TOP1: variants seen among roughly 807,000 people sequenced by gnomAD.
The protein encoded by TOP1 is DNA topoisomerase 1.
TOP1 carries 10 observed loss-of-function variants against 111.1 expected under a neutral mutation model. The observed-to-expected ratio is 0.09, with a 90% CI of 0.06 to 0.15. The LOEUF (loss-of-function observed/expected upper bound fraction) is 0.15, where lower values mean the gene tolerates loss of function less well. TOP1 is among the 10% of genes least tolerant of loss of function. TOP1 has a pLI of 1.00. For missense variants in TOP1, 474 were observed against 926.7 expected (o/e 0.51, Z 6.34); for synonymous variants, 271 against 302.9 (o/e 0.89, Z 1.10).
Position 41,079,485 on chromosome 20 carries a change from C to T in TOP1, c.336-600C>T, listed in dbSNP as rs79364837. 3.6e-3 allele frequency among the ~76,000 whole-genome samples: 546 copies of T among 152,260 alleles called. 3 individuals carry two copies. The highest frequency in any genetic ancestry group is 0.013 in the African/African-American group (521 of 41,548). ...TATATAAAGTAAACCTAAGTTAGGA[C>T]GTTGAACAATGAATAGATTTGGCAT... On this transcript the variant is annotated intron_variant, in intron 5 of 20. Transcript: ENST00000361337. This position sits in a 1 kb window ranked among gnomAD's most constrained non-coding sequence, Gnocchi z 4.0.
rs758044827 is a variant in TOP1, at chr20:41,029,398, G to A, written c.34-33G>A. The A allele has an allele frequency of 6.9e-7, 1 of 1,457,026 alleles. No individual in the cohort carries two copies. Among genetic ancestry groups the A allele is most frequent in the Non-Finnish European group, 9.1e-7 (1 of 1,100,890 alleles). The allele number at this position is 1,457,026 out of a possible 1,614,324, so 90.3% of individuals were successfully genotyped here. A position where few individuals can be genotyped will look rare whatever the true frequency, so the allele number is the denominator to read the frequency against. ...CGCCGCCGGAGGGGTTAAAGTGGCT[G>A]TTGTTTGATATTCTCTCCTTTTCTT... is the stretch of plus-strand genomic sequence containing the variant. On this transcript the variant is annotated intron_variant, in intron 1 of 20. Transcript: ENST00000361337. The surrounding 1 kb of genome is among the most constrained non-coding windows in gnomAD (Gnocchi z 6.1).
intron 3 of TOP1, 32 bp from the exon 4 acceptor site, chr20:41,076,139 G>A (rs372388203): frequency 1.3e-5 from 21 of 1,598,092 alleles, no homozygotes; most frequent in Non-Finnish European, 1.4e-5. Context: ...TCCCTACTCT[G>A]GGCTAACGCT....
At position 41,077,698 on chromosome 20, in the gene TOP1, G is replaced by C. The variant is rs2033745326; in HGVS notation, c.335+61G>C. 41 of 1,484,548 alleles carry C rather than the reference G, an allele frequency of 2.8e-5. No homozygotes were observed. The South Asian group carries it at 4.4e-4, about 16-fold the overall frequency. 92.0% of individuals were successfully genotyped at this position (1,484,548 alleles called of 1,614,324 possible). ...TGGGTGGACAGCAGGCCAGCTGCCT[G>C]TGTTGTAGTGTTGTCTGAGTTAACC... On this transcript the variant is annotated intron_variant, in intron 5 of 20. Transcript: ENST00000361337.
rs2033335391 is a variant in TOP1 at position 41,046,455 on chromosome 20, G to A, written c.59-14939G>A. ...TGCCTCCTGAGAATTCTGGGCTGTG[G>A]TGGAATTACCCATCAGACTGGGGGC... On this transcript the variant is annotated intron_variant, in intron 2 of 20. Coordinates refer to ENST00000361337, the MANE Select transcript of TOP1 (RefSeq NM_003286.4). The surrounding 1 kb of genome is among the most constrained non-coding windows in gnomAD (Gnocchi z 4.3). 6.6e-6 allele frequency among the ~76,000 whole-genome samples: 1 copy of A among 152,222 alleles called. No homozygotes were observed. The highest frequency in any genetic ancestry group is 2.1e-4 in the South Asian group (1 of 4,832).
chr20:41,080,394 A>C lies in TOP1; in HGVS notation c.431+214A>C, dbSNP rs974605346. The stretch of plus-strand genomic sequence containing the variant: ...CAAGGCTTACATGAAGATTATATAA[A>C]TTTTTATTACTGAAAAGGCAATAGA... On this transcript the variant is annotated intron_variant, in intron 6 of 20. Coordinates refer to ENST00000361337, the MANE Select transcript of TOP1 (RefSeq NM_003286.4). The surrounding 1 kb of genome is among the most constrained non-coding windows in gnomAD (Gnocchi z 5.0). Among the ~76,000 whole-genome samples the C allele has an allele frequency of 5.9e-5, 9 of 152,308 alleles. No individual in the cohort carries two copies. The highest frequency in any genetic ancestry group is 2.2e-4 in the African/African-American group (9 of 41,576).
chr20:41,076,326 C>G, intron 4 of TOP1, 32 bp downstream of exon 4: 1 of 1,576,488 alleles, frequency 6.3e-7, no homozygotes, highest in Non-Finnish European at 8.6e-7. Context: ...GAGGAAGGAA[C>G]GTGGATGCAC....
Position 41,029,166 on chromosome 20 carries a change from GGCCCCGACCCCA to G in TOP1, c.33+73_33+84del, listed in dbSNP as rs1428173184. ...TGGCCGTCCCGCGACCCCCGGCGCAGGCCCCGACCCCAGCCCCGGCCCGGCAGCTTTGACAGG... is the reference window on the plus strand; with the variant it reads ...TGGCCGTCCCGCGACCCCCGGCGCAGGCCCCGGCCCGGCAGCTTTGACAGG... On this transcript the variant is annotated intron_variant, in intron 1 of 20. Coordinates refer to ENST00000361337, the MANE Select transcript of TOP1 (RefSeq NM_003286.4). The surrounding 1 kb of genome is among the most constrained non-coding windows in gnomAD (Gnocchi z 6.1). 10 of 1,268,258 alleles carry G rather than the reference GGCCCCGACCCCA, an allele frequency of 7.9e-6. No individual in the cohort carries two copies. In the African/African-American group the frequency reaches 1.6e-4, roughly 20 times the overall value. 78.6% of individuals were successfully genotyped at this position (1,268,258 alleles called of 1,614,324 possible).
chr20:41,048,084 C>G (rs556948567), intron 2 of TOP1, among the ~76,000 whole-genome samples: 1 of 145,882 alleles, frequency 6.9e-6, no homozygotes, highest in Non-Finnish European at 1.5e-5. Context: ...ATAGTCTAGG[C>G]TATAAATTAA....
Position 41,103,754 on chromosome 20 carries a change from C to T in TOP1, c.1308+2401C>T, listed in dbSNP as rs183216146. 4.0e-3 allele frequency among the ~76,000 whole-genome samples: 612 copies of T among 152,278 alleles called. 3 individuals are homozygous for T. Among genetic ancestry groups the T allele is most frequent in the East Asian group, 0.017 (88 of 5,182 alleles). Reference sequence around the variant, plus strand: ...TCAGAACGACCAAGCTCTTGCTCACCTCTGGGATTTCAAAAGGCTACTTTA... The same window carrying T: ...TCAGAACGACCAAGCTCTTGCTCACTTCTGGGATTTCAAAAGGCTACTTTA... On this transcript the variant is annotated intron_variant, in intron 13 of 20. Coordinates refer to ENST00000361337, the MANE Select transcript of TOP1 (RefSeq NM_003286.4).
chr20:41,098,684 T>C lies in TOP1; in HGVS notation c.975+347T>C. 5.7e-6 allele frequency: 1 copy of C among 174,528 alleles called. No individual in the cohort carries two copies. Among genetic ancestry groups the C allele is most frequent in the Non-Finnish European group, 1.2e-5 (1 of 82,000 alleles). 10.8% of individuals were successfully genotyped at this position (174,528 alleles called of 1,614,324 possible). ...AAGACAGATGAAATCATATTGGCCA[T>C]GTACCTCCCTGCTCTTTGATCTATT... is the stretch of plus-strand genomic sequence containing the variant. On this transcript the variant is annotated intron_variant, in intron 11 of 20. Coordinates refer to ENST00000361337, the MANE Select transcript of TOP1 (RefSeq NM_003286.4). This position sits in a 1 kb window ranked among gnomAD's most constrained non-coding sequence, Gnocchi z 5.7.
chr20:41,062,564 T>C (rs2033558918), intron 3 of TOP1, among the ~76,000 whole-genome samples: 1 of 152,188 alleles, frequency 6.6e-6, no homozygotes, highest in South Asian at 2.1e-4. Context: ...TCTTTTCTAG[T>C]TTATAGTTGT....
Position 41,123,160 on chromosome 20 carries a change from C to T in TOP1, c.2196-35C>T. The T allele has an allele frequency of 1.3e-6, 2 of 1,501,094 alleles. No homozygotes were observed. Among genetic ancestry groups the T allele is most frequent in the South Asian group, 1.1e-5 (1 of 88,372 alleles). 93.0% of individuals were successfully genotyped at this position (1,501,094 alleles called of 1,614,324 possible). A position where few individuals can be genotyped will look rare whatever the true frequency, so the allele number is the denominator to read the frequency against. On this transcript the variant is annotated intron_variant, in intron 20 of 20. Transcript: ENST00000361337. This position sits in a 1 kb window ranked among gnomAD's most constrained non-coding sequence, Gnocchi z 5.8. ...TCAGATATGGGCCATTGCTGAGTCA[C>T]CCTAATCCCCCCCTTATTTCTCCTT...
Position 41,058,098 on chromosome 20 carries a change from A to C in TOP1, c.59-3296A>C, listed in dbSNP as rs111784656. On this transcript the variant is annotated intron_variant, in intron 2 of 20. Transcript: ENST00000361337. The surrounding 1 kb of genome is among the most constrained non-coding windows in gnomAD (Gnocchi z 4.2). ...GACACCATATGATATTATTTTTCCC[A>C]TCTCTGTAGGATGGGAATTTCTTAC... Among the ~76,000 whole-genome samples the C allele has an allele frequency of 9.3e-4, 141 of 152,238 alleles. 2 individuals are homozygous for C. Among genetic ancestry groups the C allele is most frequent in the South Asian group, 5.6e-3 (27 of 4,822 alleles).
chr20:41,096,405 A>G (rs2033983424), intron 9 of TOP1, among the ~76,000 whole-genome samples: 1 of 152,216 alleles, frequency 6.6e-6, no homozygotes, highest in Non-Finnish European at 1.5e-5. Flanking sequence ...TGGATACACC[A>G]GGAACCCCAG....
intron 7 of TOP1, among the ~76,000 whole-genome samples, chr20:41,081,696 A>C (rs946300857): frequency 6.6e-6 from 1 of 152,154 alleles, no homozygotes; most frequent in African/African-American, 2.4e-5. Flanking sequence ...CAAACTCTTT[A>C]CTGCAGCTCC....
Position 41,080,271 on chromosome 20 carries a change from A to G in TOP1, c.431+91A>G. 1 of 729,972 alleles carries G rather than the reference A, an allele frequency of 1.4e-6. No homozygotes were observed. The allele number at this position is 729,972 out of a possible 1,614,324, so 45.2% of individuals were successfully genotyped here. ...TGTGTTTCTTTATAATACATATAGAAACTGCATTAATTGGCTTTTACTCAT... is the reference window on the plus strand; with the variant it reads ...TGTGTTTCTTTATAATACATATAGAGACTGCATTAATTGGCTTTTACTCAT... On this transcript the variant is annotated intron_variant, in intron 6 of 20. Transcript: ENST00000361337. This position sits in a 1 kb window ranked among gnomAD's most constrained non-coding sequence, Gnocchi z 5.0.
chr20:41,092,736 A>G lies in TOP1; in HGVS notation c.730+149A>G. 1.8e-6 allele frequency: 1 copy of G among 543,016 alleles called. No individual in the cohort carries two copies. The highest frequency in any genetic ancestry group is 3.2e-6 in the Non-Finnish European group (1 of 307,898). 33.6% of individuals were successfully genotyped at this position (543,016 alleles called of 1,614,324 possible). A position where few individuals can be genotyped will look rare whatever the true frequency, so the allele number is the denominator to read the frequency against. On this transcript the variant is annotated intron_variant, in intron 9 of 20. Transcript: ENST00000361337. The surrounding 1 kb of genome is among the most constrained non-coding windows in gnomAD (Gnocchi z 4.3). ...CATGCAATTTTGAGGAAGGGGCATC[A>G]GGTGTTAACTCTTAAAGGCTCATTT...
In TOP1 at chr20:41,094,834, T is replaced by C. The variant is rs1364354392; in HGVS notation, c.730+2247T>C. Among the ~76,000 whole-genome samples, 1 of 152,038 alleles carries C rather than the reference T, an allele frequency of 6.6e-6. No individual in the cohort carries two copies. Among genetic ancestry groups the C allele is most frequent in the Non-Finnish European group, 1.5e-5 (1 of 68,002 alleles). ...TCTCTGAGGACCTTCAGTTTACAGC[T>C]TTGATTCAGCAGTTTCCTTTTCCTG... On this transcript the variant is annotated intron_variant, in intron 9 of 20. Coordinates refer to ENST00000361337, the MANE Select transcript of TOP1 (RefSeq NM_003286.4). This position sits in a 1 kb window ranked among gnomAD's most constrained non-coding sequence, Gnocchi z 4.4.
At chr20:41,043,788 C>T (rs995215086) in intron 2 of TOP1, among the ~76,000 whole-genome samples, 5 of 152,188 alleles carry the variant, frequency 3.3e-5, no homozygotes, top group African/African-American at 9.7e-5. Context: ...AGGCATTAAG[C>T]GTTCCTTAAT....
Sources: gnomAD v4.1 joint callset for allele counts (sites outside exome capture counted in the v4.1 genomes callset) on GRCh38, gnomAD v4.1.1 for gene constraint, Gnocchi (gnomAD v3.1) non-coding constraint, MANE v1.5 for transcripts, NCBI Gene and HGNC (gene_info 2026-07-23, HGNC 2026-07-21) for gene names.